Variants in MUC4 observed in about 807,000 individuals in gnomAD.
MUC4 encodes the protein mucin-4.
MUC4 carries 202 observed loss-of-function variants against 257.9 expected under a neutral mutation model. The observed-to-expected ratio is 0.78, with a 90% CI of 0.70 to 0.88. The LOEUF (loss-of-function observed/expected upper bound fraction) is 0.88, where lower values mean the gene tolerates loss of function less well. Ranked by LOEUF, MUC4 falls within the 40% of genes least tolerant of loss-of-function variation. The pLI is 0.00. For missense variants in MUC4, 5,976 were observed against 6,513.7 expected (o/e 0.92, Z 2.84); for synonymous variants, 2,351 against 2,757.1 (o/e 0.85, Z 4.62).
chr3:195,786,091 G>GTGT lies in MUC4; in HGVS notation c.5488_5489insACA (p.Ala1830delinsAspThr). 6.5e-7 allele frequency: 1 copy of GTGT among 1,532,776 alleles called. No homozygotes were observed. The highest frequency in any genetic ancestry group is 1.2e-5 in the South Asian group (1 of 83,410). 94.9% of individuals were successfully genotyped at this position (1,532,776 alleles called of 1,614,324 possible). A position where few individuals can be genotyped will look rare whatever the true frequency, so the allele number is the denominator to read the frequency against. ...GGTGTCACCTGTGGATGCTGAGGAAGCGTCGGTGACAGGAAGAGGGGTGGT... is the reference window on the plus strand; with the variant it reads ...GGTGTCACCTGTGGATGCTGAGGAAGTGTCGTCGGTGACAGGAAGAGGGGTGGT... On this transcript the variant is annotated protein_altering_variant, in exon 2 of 25. Coordinates refer to ENST00000463781, the MANE Select transcript of MUC4 (RefSeq NM_018406.7).
At chr3:195,792,554 A>G (rs1733998293) in intron 1 of MUC4, among the ~76,000 whole-genome samples, 4 of 152,208 alleles carry the variant, frequency 2.6e-5, no homozygotes, top group African/African-American at 4.8e-5. Flanking sequence ...CAGTTCAACC[A>G]TTGTGGAAGA....
intron 5 of MUC4, among the ~76,000 whole-genome samples, chr3:195,771,368 G>T (rs1722841535): frequency 6.6e-6 from 1 of 150,376 alleles, no homozygotes; most frequent in Admixed American, 6.6e-5. Flanking sequence ...CAGTCTCGTG[G>T]TTGGGTTGGG....
rs1240054743 is a variant in MUC4 at position 195,788,856 on chromosome 3, G to T, written c.2724C>A (p.Ala908=). 1.2e-6 allele frequency: 2 copies of T among 1,613,830 alleles called. No individual in the cohort carries two copies. The highest frequency in any genetic ancestry group is 2.2e-5 in the South Asian group (2 of 91,070). ...PQETAAISRM[A]QTQRTRTSRG... is the part of the protein sequence containing the mutation. ...TGCTGGTTCTTGTCCTCTGAGTCTG[G>T]GCCATCCGGGAAATGGCGGCTGTCT... Residue 908 remains alanine, a synonymous_variant, in exon 2 of 25, where the codon GCC becomes GCA. Coordinates refer to ENST00000463781, the MANE Select transcript of MUC4 (RefSeq NM_018406.7).
Position 195,811,807 on chromosome 3 carries a change from GC to G in MUC4, c.10del (p.Ala4HisfsTer11). 6.2e-7 allele frequency: 1 copy of G among 1,613,794 alleles called. No individual in the cohort carries two copies. Among genetic ancestry groups the G allele is most frequent in the Non-Finnish European group, 8.5e-7 (1 of 1,179,916 alleles). On this transcript the variant is annotated frameshift_variant, in exon 1 of 25. Transcript: ENST00000463781. LOFTEE classifies it high-confidence loss of function. The stretch of plus-strand genomic sequence containing the variant: ...CACCCAGGGGACCCTCCTCCAGCGT[GC>G]CCCCTTCATGGCTGCGGCAAAAGTC... MKG[A>X]RWRRVPWVSL...
At chr3:195,778,557 C>G in intron 2 of MUC4, 102 bp from the exon 3 acceptor site, 1 of 1,458,346 alleles carries the variant, frequency 6.9e-7, no homozygotes, top group Non-Finnish European at 9.3e-7. Flanking sequence ...GAGCTGGAAA[C>G]TCCTTGTCTC....
rs779425004 is a variant in MUC4, at chr3:195,763,540, A to G, written c.14146T>C (p.Ser4716Pro). 1 of 1,585,192 alleles carries G rather than the reference A, an allele frequency of 6.3e-7. No individual in the cohort carries two copies. The highest frequency in any genetic ancestry group is 8.6e-7 in the Non-Finnish European group (1 of 1,164,848). Reference sequence around the variant, plus strand: ...GTGCGGCCCTGAAGCAGGAAGGAGGAGTTCCCGTCTTGGGCCCCGACCAGC... The same window carrying G: ...GTGCGGCCCTGAAGCAGGAAGGAGGGGTTCCCGTCTTGGGCCCCGACCAGC... ...FLLVGAQDGN[S>P]SFLLQGRTAQ... Residue 4716 changes from serine to proline, a missense_variant, in exon 12 of 25, where the codon TCC (serine) becomes CCC (proline). Around this residue, in one of 44 missense-constraint regions of MUC4, gnomAD observed 996 missense variants for 1,137.3 expected, o/e 0.88. Coordinates refer to ENST00000463781, the MANE Select transcript of MUC4 (RefSeq NM_018406.7).
intron 7 of MUC4, among the ~76,000 whole-genome samples, chr3:195,768,050 C>G (rs1388317708): frequency 6.6e-6 from 1 of 152,060 alleles, no homozygotes; most frequent in African/African-American, 2.4e-5. Context: ...TGCAGCCCCA[C>G]CCTGGGTGCC....
chr3:195,755,647 G>A lies in MUC4; in HGVS notation c.15169-1275C>T, dbSNP rs1717511706. The stretch of plus-strand genomic sequence containing the variant: ...TCCCCTTTCTAACTCCCTTACTGAA[G>A]CGACTCGGGGAATCTCCCTAAAATG... On this transcript the variant is annotated intron_variant, in intron 18 of 24. Transcript: ENST00000463781. The surrounding 1 kb of genome is among the most constrained non-coding windows in gnomAD (Gnocchi z 5.0). Among the ~76,000 whole-genome samples, 1 of 152,068 alleles carries A rather than the reference G, an allele frequency of 6.6e-6. No homozygotes were observed. The highest frequency in any genetic ancestry group is 2.4e-5 in the African/African-American group (1 of 41,382).
chr3:195,757,480 TC>T lies in MUC4; in HGVS notation c.14987-153del. On this transcript the variant is annotated intron_variant, in intron 17 of 24. Coordinates refer to ENST00000463781, the MANE Select transcript of MUC4 (RefSeq NM_018406.7). This position sits in a 1 kb window ranked among gnomAD's most constrained non-coding sequence, Gnocchi z 4.8. ...TCATTTCCTTTGAGCAAGGCTGGTA[TC>T]GGGGGTGATCCTGGTCACGCTCCCA... is the stretch of plus-strand genomic sequence containing the variant. The T allele has an allele frequency of 2.7e-6, 2 of 739,692 alleles. No individual in the cohort carries two copies. The highest frequency in any genetic ancestry group is 1.9e-5 in the South Asian group (1 of 51,350). The allele number at this position is 739,692 out of a possible 1,614,324, so 45.8% of individuals were successfully genotyped here.
chr3:195,791,696 A>T (rs1733887312), intron 1 of MUC4, among the ~76,000 whole-genome samples, 199 bp from the exon 2 acceptor site: 1 of 152,250 alleles, frequency 6.6e-6, no homozygotes, highest in African/African-American at 2.4e-5. Flanking sequence ...GACAATCCTA[A>T]GCAAAAAGAA....
Position 195,761,382 on chromosome 3 carries a change from AG to A in MUC4, c.14614+101del, listed in dbSNP as rs750408048. ...GGGGGGCACAGATTCCTCAGACCTT[AG>A]GGAGGATGGAGGTCTGCTTCCTACA... On this transcript the variant is annotated intron_variant, in intron 15 of 24. Coordinates refer to ENST00000463781, the MANE Select transcript of MUC4 (RefSeq NM_018406.7). The A allele has an allele frequency of 1.0e-4, 103 of 1,024,322 alleles. 1 individual carries two copies. The highest frequency in any genetic ancestry group is 9.6e-4 in the Admixed American group (51 of 53,398). The allele number at this position is 1,024,322 out of a possible 1,614,324, so 63.5% of individuals were successfully genotyped here.
At chr3:195,768,608 G>C (rs1722129750) in intron 7 of MUC4, among the ~76,000 whole-genome samples, 1 of 152,248 alleles carries the variant, frequency 6.6e-6, no homozygotes, top group Admixed American at 6.5e-5. Context: ...TCAGTTTCCT[G>C]ATCTGTAGAA....
Position 195,765,399 on chromosome 3 carries a change from A to T in MUC4, c.13669T>A (p.Tyr4557Asn), listed in dbSNP as rs1384924239. 1 of 1,613,444 alleles carries T rather than the reference A, an allele frequency of 6.2e-7. No individual in the cohort carries two copies. The highest frequency in any genetic ancestry group is 8.5e-7 in the Non-Finnish European group (1 of 1,180,008). Residue 4557 changes from tyrosine (Y) to asparagine (N), a missense_variant, in exon 9 of 25, where the codon TAC (tyrosine) becomes AAC (asparagine). By Grantham distance (143) the Tyr-to-Asn change is moderately radical (BLOSUM62 -2). Around this residue, in one of 44 missense-constraint regions of MUC4, gnomAD observed 996 missense variants for 1,137.3 expected, o/e 0.88. Coordinates refer to ENST00000463781, the MANE Select transcript of MUC4 (RefSeq NM_018406.7). The stretch of plus-strand genomic sequence containing the variant: ...AGCCACTGCAGGCACTCGAGACGGT[A>T]GTTGGGCCTTTCTTCCCGGTGTAGC... Reference protein sequence around the residue: ...YRLHREERPNYRLECLQWLKS... With the variant: ...YRLHREERPNNRLECLQWLKS...
rs551106966 is a variant in MUC4 at position 195,753,030 on chromosome 3, G to C, written c.15508+21C>G. 1.4e-5 allele frequency: 23 copies of C among 1,604,030 alleles called. 1 individual carries two copies. The South Asian group carries it at 2.4e-4, about 17-fold the overall frequency. Reference sequence around the variant, plus strand: ...GCCCAGGAAGAGTGCGGGGGTGAGAGGGCGGGGTCTCTGGCGGTACCTAGG... The same window carrying C: ...GCCCAGGAAGAGTGCGGGGGTGAGACGGCGGGGTCTCTGGCGGTACCTAGG... On this transcript the variant is annotated intron_variant, in intron 20 of 24. Transcript: ENST00000463781.
At position 195,790,956 on chromosome 3, in the gene MUC4, T is replaced by C; in HGVS notation, c.624A>G (p.Glu208=). Residue 208 remains glutamate (E), a synonymous_variant, in exon 2 of 25, where the codon GAA becomes GAG. Transcript: ENST00000463781. ...HWTRSTQTTR[E]SQTSTLTHRT... Reference sequence around the variant, plus strand: ...TGTGTGTTAGGGTGCTGGTTTGAGATTCCCTGGTGGTCTGCGTGCTCCGAG... The same window carrying C: ...TGTGTGTTAGGGTGCTGGTTTGAGACTCCCTGGTGGTCTGCGTGCTCCGAG... 1 of 1,613,966 alleles carries C rather than the reference T, an allele frequency of 6.2e-7. No individual in the cohort carries two copies. The highest frequency in any genetic ancestry group is 1.3e-5 in the African/African-American group (1 of 75,036).
Position 195,757,163 on chromosome 3 carries a change from C to T in MUC4, c.15152G>A (p.Gly5051Asp). Residue 5051 changes from glycine to aspartate, a missense_variant, in exon 18 of 25, where the codon GGC becomes GAC. Transcript: ENST00000463781. The surrounding 1 kb of genome is among the most constrained non-coding windows in gnomAD (Gnocchi z 4.8). The part of the protein sequence containing the change: ...QCLYNQTSRV[G>D]NSSLEVAGCK... ...AACACTCACCTCCAGGGAGGAGTTGCCCACCCTGCTGGTCTGATTGTACAA... is the reference window on the plus strand; with the variant it reads ...AACACTCACCTCCAGGGAGGAGTTGTCCACCCTGCTGGTCTGATTGTACAA... 6.3e-7 allele frequency: 1 copy of T among 1,595,686 alleles called. No individual in the cohort carries two copies. The highest frequency in any genetic ancestry group is 8.6e-7 in the Non-Finnish European group (1 of 1,165,300).
intron 5 of MUC4, chr3:195,770,883 C>A (rs550729468): frequency 2.0e-5 from 9 of 457,832 alleles, no homozygotes; most frequent in South Asian, 1.4e-4. Flanking sequence ...AGACCCCCTA[C>A]AGCCTGATTT....
intron 1 of MUC4, among the ~76,000 whole-genome samples, chr3:195,807,559 C>G (rs989486663): frequency 1.3e-5 from 2 of 152,160 alleles, no homozygotes; most frequent in African/African-American, 4.8e-5. Flanking sequence ...TGCCAACAGA[C>G]TCAGTTATTT....
chr3:195,754,004 T>A, intron 19 of MUC4: 32 of 571,058 alleles, frequency 5.6e-5, no homozygotes, highest in Non-Finnish European at 6.3e-5. Flanking sequence ...CCCCACACCA[T>A]CCACCACCCC....
Sources: allele counts gnomAD v4.1 joint callset (sites outside exome capture counted in the v4.1 genomes callset), GRCh38; gene constraint gnomAD v4.1.1; regional missense constraint gnomAD v4.1.1; non-coding constraint Gnocchi (gnomAD v3.1); transcripts MANE v1.5; gene names NCBI Gene and HGNC (gene_info 2026-07-23, HGNC 2026-07-21).